Variants in NDUFB9 observed in about 807,000 individuals in gnomAD.
NDUFB9 encodes the protein NADH dehydrogenase [ubiquinone] 1 beta subcomplex subunit 9.
Under a neutral mutation model 30.2 loss-of-function variants are expected in NDUFB9, and 24 were observed. That is an observed-to-expected ratio of 0.80 (90% CI 0.58 to 1.12). The LOEUF (loss-of-function observed/expected upper bound fraction) is 1.12, where lower values mean the gene tolerates loss of function less well. Among genes scored for constraint, NDUFB9 ranks in the 50% most tolerant of loss-of-function variants. The pLI is 0.00. For missense variants in NDUFB9, 204 were observed against 226.0 expected, an observed-to-expected ratio of 0.90 and a Z score of 0.62; for synonymous variants, 80 against 84.0, an observed-to-expected ratio of 0.95 and a Z score of 0.26.
At chr8:124,543,376 G>A (rs1822073849) in intron 2 of NDUFB9, 97 bp downstream of exon 2, 1 of 1,260,612 alleles carries the variant, frequency 7.9e-7, no homozygotes, top group Admixed American at 1.9e-5. Flanking sequence ...TCAAGGGGTA[G>A]CTAGGAGACT....
At chr8:124,541,194 A>G (rs993247911) in intron 1 of NDUFB9, among the ~76,000 whole-genome samples, 1 of 152,140 alleles carries the variant, frequency 6.6e-6, no homozygotes, top group Non-Finnish European at 1.5e-5. Context: ...AAAAAATTGA[A>G]AAGATCACCA....
intron 3 of NDUFB9, among the ~76,000 whole-genome samples, chr8:124,548,977 C>T (rs1223959533): frequency 6.6e-6 from 1 of 152,218 alleles, no homozygotes; most frequent in Non-Finnish European, 1.5e-5. Context: ...AGGAAGGGCA[C>T]TGTGGCCAAA....
chr8:124,539,221 A>C lies in NDUFB9; in HGVS notation c.35A>C (p.His12Pro), dbSNP rs771085676. 1 of 1,614,214 alleles carries C rather than the reference A, an allele frequency of 6.2e-7. No individual in the cohort carries two copies. The highest frequency in any genetic ancestry group is 8.5e-7 in the Non-Finnish European group (1 of 1,180,032). The change falls in exon 1 of 4, where the codon CAT becomes CCT. Residue 12 changes from histidine (H) to proline (P), a missense_variant. Coordinates refer to ENST00000276689, the MANE Select transcript of NDUFB9 (RefSeq NM_005005.3). ...AFLASGPYLT[H>P]QQKVLRLYKR... ...TTGGCGTCGGGACCCTACCTGACCC[A>C]TCAGCAAAAGGTGTTGCGGCTTTAT...
At chr8:124,539,594 G>T (rs1821843921) in intron 1 of NDUFB9, 2 of 392,816 alleles carry the variant, frequency 5.1e-6, no homozygotes, top group South Asian at 5.2e-5. Context: ...AATTGTAATT[G>T]TCATGGGTCC....
At chr8:124,544,856 G>A (rs111834410) in intron 2 of NDUFB9, among the ~76,000 whole-genome samples, 3 of 152,048 alleles carry the variant, frequency 2.0e-5, no homozygotes, top group African/African-American at 7.2e-5. Flanking sequence ...GATGGATTTG[G>A]GCAAAGTAAA....
intron 2 of NDUFB9, among the ~76,000 whole-genome samples, chr8:124,543,994 C>T (rs188254751): frequency 1.3e-4 from 20 of 152,224 alleles, no homozygotes; most frequent in Admixed American, 1.1e-3. Flanking sequence ...AGGCCTTTTC[C>T]GCTGGTTAGC....
chr8:124,545,394 A>G (rs756723437), intron 2 of NDUFB9, among the ~76,000 whole-genome samples: 11 of 152,208 alleles, frequency 7.2e-5, no homozygotes, highest in Non-Finnish European at 1.6e-4. Flanking sequence ...GAAATTGCCA[A>G]AGCCACTCCA....
At chr8:124,548,403 CT>C (rs992930784) in intron 3 of NDUFB9, among the ~76,000 whole-genome samples, 3 of 152,020 alleles carry the variant, frequency 2.0e-5, no homozygotes, top group African/African-American at 7.3e-5. Context: ...TGATAGCTTC[CT>C]TTTTTTAGTG....
rs11991829 is a variant in NDUFB9 at position 124,543,544 on chromosome 8, C to T, written c.294+265C>T. The stretch of plus-strand genomic sequence containing the variant: ...ATTTTTCCAACAGCATGTGCTCACT[C>T]CCTGTCTCTGTTTCTCAGTTTGGCA... On this transcript the variant is annotated intron_variant, in intron 2 of 3. Transcript: ENST00000276689. Among the ~76,000 whole-genome samples, 78,735 of 152,020 alleles carry T rather than the reference C, an allele frequency of 0.52. 20,827 individuals are homozygous for T. Among genetic ancestry groups the T allele is most frequent in the African/African-American group, 0.61 (25,437 of 41,450 alleles).
intron 1 of NDUFB9, among the ~76,000 whole-genome samples, chr8:124,540,121 G>T (rs1168635850): frequency 6.6e-6 from 1 of 152,174 alleles, no homozygotes; most frequent in Non-Finnish European, 1.5e-5. Flanking sequence ...AATGGAGTAG[G>T]CCTGGAAGAA....
At chr8:124,540,285 GA>G (rs112295879) in intron 1 of NDUFB9, among the ~76,000 whole-genome samples, 11,370 of 152,176 alleles carry the variant, frequency 0.075, 665 homozygotes, top group South Asian at 0.29. Flanking sequence ...TTATTGATTT[GA>G]CAGAATTTGC....
rs1466376466 is a variant in NDUFB9 at position 124,543,319 on chromosome 8, C to T, written c.294+40C>T. ...TGATGACTGCCTTCTGAGAAATAGA[C>T]TTTGTTTCTTCAGTCCCACACCTCA... is the stretch of plus-strand genomic sequence containing the variant. On this transcript the variant is annotated intron_variant, in intron 2 of 3. Transcript: ENST00000276689. The T allele has an allele frequency of 3.2e-6, 5 of 1,585,438 alleles. No homozygotes were observed. The African/African-American group carries it at 5.4e-5, about 17-fold the overall frequency.
intron 2 of NDUFB9, among the ~76,000 whole-genome samples, chr8:124,544,690 A>C (rs1402580874): frequency 6.6e-6 from 1 of 152,226 alleles, no homozygotes; most frequent in Non-Finnish European, 1.5e-5. Flanking sequence ...TGGTTTACTG[A>C]ATCTTTTAAG....
chr8:124,542,499 T>C (rs1434796217), intron 1 of NDUFB9, among the ~76,000 whole-genome samples: 1 of 152,224 alleles, frequency 6.6e-6, no homozygotes, highest in African/African-American at 2.4e-5. Flanking sequence ...CTCCGTACTT[T>C]CAGGCCCTCG....
intron 3 of NDUFB9, among the ~76,000 whole-genome samples, chr8:124,547,882 G>C (rs1822201414): frequency 6.6e-6 from 1 of 152,114 alleles, no homozygotes; most frequent in African/African-American, 2.4e-5. Flanking sequence ...TACTTGGGAG[G>C]CTAAGGCAGG....
At chr8:124,546,775 T>C in intron 2 of NDUFB9, 1 of 591,944 alleles carries the variant, frequency 1.7e-6, no homozygotes, top group Non-Finnish European at 3.0e-6. Context: ...CTTGGACTGA[T>C]GATGGTGCTA....
chr8:124,548,656 C>T (rs151075662), intron 3 of NDUFB9, among the ~76,000 whole-genome samples: 1 of 152,198 alleles, frequency 6.6e-6, no homozygotes, highest in African/African-American at 2.4e-5. Flanking sequence ...TTCGGTTTGT[C>T]TGTTGCTCAG....
In NDUFB9 at chr8:124,549,522, T is replaced by A. The variant is rs56280096; in HGVS notation, c.409-239T>A. ...TGATGAAAAGGGGTAGGGGGAAGAA[T>A]AGGAAGGGTAGGCTTTGCTATTTAA... is the stretch of plus-strand genomic sequence containing the variant. On this transcript the variant is annotated intron_variant, in intron 3 of 3. Coordinates refer to ENST00000276689, the MANE Select transcript of NDUFB9 (RefSeq NM_005005.3). Among the ~76,000 whole-genome samples, 1,204 of 152,244 alleles carry A rather than the reference T, an allele frequency of 7.9e-3. 19 individuals carry two copies. The highest frequency in any genetic ancestry group is 0.028 in the African/African-American group (1,154 of 41,522).
At chr8:124,546,292 G>A (rs1427867714) in intron 2 of NDUFB9, among the ~76,000 whole-genome samples, 1 of 152,200 alleles carries the variant, frequency 6.6e-6, no homozygotes, top group African/African-American at 2.4e-5. Context: ...CTAAGTTGAT[G>A]TACTGTTCAA....
Sources: gnomAD v4.1 joint callset for allele counts (sites outside exome capture counted in the v4.1 genomes callset) on GRCh38, gnomAD v4.1.1 for gene constraint, MANE v1.5 for transcripts, NCBI Gene and HGNC (gene_info 2026-07-23, HGNC 2026-07-21) for gene names.